Variants in MAGI2 observed in about 807,000 individuals in gnomAD.
MAGI2 encodes membrane associated guanylate kinase, WW and PDZ domain containing 2, also known as membrane-associated guanylate kinase, WW and PDZ domain-containing protein 2.
In MAGI2, 35 loss-of-function variants were observed where a neutral mutation model predicts 133.3. That is an observed-to-expected ratio of 0.26 (90% CI 0.20 to 0.35). The LOEUF (loss-of-function observed/expected upper bound fraction) is 0.35. Among genes scored for constraint, MAGI2 ranks in the 10% least tolerant of loss-of-function variants. The probability of loss-of-function intolerance (pLI) is 1.00; values close to 1 mark genes in which losing one functional copy is unlikely to be tolerated. For missense variants in MAGI2, 1,636 were observed against 1,863.4 expected (o/e 0.88, Z 2.25); for synonymous variants, 729 against 710.6 (o/e 1.03, Z -0.41).
chr7:78,714,207 CAT>C (rs1267599081), intron 2 of MAGI2, among the ~76,000 whole-genome samples: 23 of 152,232 alleles, frequency 1.5e-4, no homozygotes, highest in Non-Finnish European at 2.9e-4. Context: ...TGTGGAAACA[CAT>C]GTGTAGTCAG....
intron 2 of MAGI2, among the ~76,000 whole-genome samples, chr7:78,717,644 T>C (rs146254724): frequency 6.6e-6 from 1 of 152,192 alleles, no homozygotes; most frequent in Non-Finnish European, 1.5e-5. Context: ...AAATTTTTAT[T>C]TACTGCAAAC....
intron 1 of MAGI2, among the ~76,000 whole-genome samples, chr7:79,159,394 G>T (rs1824132412): frequency 6.6e-6 from 1 of 151,774 alleles, no homozygotes; most frequent in Admixed American, 6.6e-5. Context: ...GTGTATGCCT[G>T]TAGTCTCAGC....
chr7:78,978,910 A>G (rs568810828), intron 2 of MAGI2, among the ~76,000 whole-genome samples: 44 of 151,836 alleles, frequency 2.9e-4, no homozygotes, highest in Non-Finnish European at 5.9e-4. Context: ...ACACATATAC[A>G]GGAACCGAAC....
At chr7:79,269,026 G>T (rs1277778764) in intron 1 of MAGI2, among the ~76,000 whole-genome samples, 1 of 152,114 alleles carries the variant, frequency 6.6e-6, no homozygotes, top group Non-Finnish European at 1.5e-5. Flanking sequence ...GGGAAATGGT[G>T]GAGTTGATGA....
intron 3 of MAGI2, among the ~76,000 whole-genome samples, chr7:78,623,849 C>T (rs1808015703): frequency 6.6e-6 from 1 of 152,100 alleles, no homozygotes; most frequent in African/African-American, 2.4e-5. Context: ...TGTAACGGAG[C>T]TGAAAAATTC....
chr7:78,174,807 G>A (rs1365688925), intron 14 of MAGI2, among the ~76,000 whole-genome samples: 2 of 152,160 alleles, frequency 1.3e-5, no homozygotes, highest in African/African-American at 4.8e-5. Context: ...TGGCCTCTGA[G>A]GAAGAAAGGG....
intron 2 of MAGI2, among the ~76,000 whole-genome samples, chr7:78,633,549 C>CA (rs1216862216): frequency 1.3e-5 from 2 of 151,552 alleles, no homozygotes; most frequent in East Asian, 2.0e-4. Flanking sequence ...ACTAAAAATA[C>CA]AAAAAAATTA....
chr7:78,680,426 A>T (rs1585065266), intron 2 of MAGI2, among the ~76,000 whole-genome samples: 1 of 152,134 alleles, frequency 6.6e-6, no homozygotes, highest in Non-Finnish European at 1.5e-5. Flanking sequence ...AAGCTCTCTT[A>T]GGTTTGGGGT....
At chr7:78,385,187 G>A (rs559073187) in intron 6 of MAGI2, among the ~76,000 whole-genome samples, 14 of 152,148 alleles carry the variant, frequency 9.2e-5, no homozygotes, top group African/African-American at 2.6e-4. Context: ...TTTTAAAAAC[G>A]GATGCATGCA....
At chr7:78,778,904 CTTTT>C (rs71085566) in intron 2 of MAGI2, among the ~76,000 whole-genome samples, 3 of 118,448 alleles carry the variant, frequency 2.5e-5, no homozygotes, top group African/African-American at 3.4e-5. Flanking sequence ...CCTTTTCAGC[CTTTT>C]TTTTTTTTTT....
intron 1 of MAGI2, among the ~76,000 whole-genome samples, chr7:79,234,355 G>A (rs940044613): frequency 2.0e-5 from 3 of 151,634 alleles, no homozygotes; most frequent in African/African-American, 7.3e-5. Context: ...TTGTTAGATT[G>A]GGGAAGTTCT....
intron 2 of MAGI2, among the ~76,000 whole-genome samples, chr7:78,879,879 A>C (rs1795714030): frequency 6.6e-6 from 1 of 152,092 alleles, no homozygotes. Context: ...AAAAGTAATC[A>C]ATCAGCGCTT....
intron 2 of MAGI2, among the ~76,000 whole-genome samples, chr7:78,792,084 G>A (rs942549456): frequency 1.1e-4 from 17 of 152,082 alleles, no homozygotes; most frequent in Non-Finnish European, 2.2e-4. Context: ...TTAGGAATAA[G>A]CCTAGATTCA....
chr7:78,199,158 C>T (rs1563250331), intron 11 of MAGI2, among the ~76,000 whole-genome samples: 1 of 152,156 alleles, frequency 6.6e-6, no homozygotes, highest in East Asian at 1.9e-4. Context: ...TCTTATTGGG[C>T]CTCTCTTGTC....
chr7:78,804,356 C>A (rs80103897), intron 2 of MAGI2, among the ~76,000 whole-genome samples: 4,112 of 151,218 alleles, frequency 0.027, 196 homozygotes, highest in African/African-American at 0.095. Flanking sequence ...TTCATTGGTA[C>A]TATAAAAATA....
intron 6 of MAGI2, among the ~76,000 whole-genome samples, chr7:78,467,653 A>G (rs2151529670): frequency 6.6e-6 from 1 of 152,156 alleles, no homozygotes. Context: ...GCAACACCTC[A>G]TATTAGAAAG....
In MAGI2 at chr7:79,178,660, C is replaced by T. The variant is rs140578973; in HGVS notation, c.302-171454G>A. On this transcript the variant is annotated intron_variant, in intron 1 of 21. Transcript: ENST00000354212. ...CTGGGAGGCGGAGGTTGCAGTGAGC[C>T]GAGATCACGCCACTGCACTCCAGAC... 5.4e-3 allele frequency among the ~76,000 whole-genome samples: 815 copies of T among 151,094 alleles called. 17 individuals are homozygous for T. Among genetic ancestry groups the T allele is most frequent in the African/African-American group, 0.018 (744 of 40,990 alleles).
intron 9 of MAGI2, among the ~76,000 whole-genome samples, chr7:78,340,813 A>G (rs1790292692): frequency 6.6e-6 from 1 of 152,182 alleles, no homozygotes; most frequent in Non-Finnish European, 1.5e-5. Context: ...ATCTCAAAAT[A>G]ATAAGAGCTA....
In MAGI2 at chr7:78,957,302, A is replaced by G. The variant is rs970642783; in HGVS notation, c.418+49788T>C. On this transcript the variant is annotated intron_variant, in intron 2 of 21. Transcript: ENST00000354212. Reference sequence around the variant, plus strand: ...AAAAAAAAAGAAAAGAAAAGAAAAAAAAATTTAGGAACCCCTCCTAAATGC... The same window carrying G: ...AAAAAAAAAGAAAAGAAAAGAAAAAGAAATTTAGGAACCCCTCCTAAATGC... Among the ~76,000 whole-genome samples, 12 of 151,340 alleles carry G rather than the reference A, an allele frequency of 7.9e-5. No individual in the cohort carries two copies. The East Asian group carries it at 2.3e-3, about 29-fold the overall frequency.
Sources: gnomAD v4.1 joint callset for allele counts (sites outside exome capture counted in the v4.1 genomes callset) on GRCh38, gnomAD v4.1.1 for gene constraint, MANE v1.5 for transcripts, NCBI Gene and HGNC (gene_info 2026-07-23, HGNC 2026-07-21) for gene names.